The following HEG1 variants were observed in gnomAD, a reference collection of about 807,000 sequenced individuals.
HEG1 encodes heart development protein with EGF like domains 1.
A neutral mutation model predicts 125.6 loss-of-function variants in HEG1; 56 were observed. The ratio of observed to expected loss-of-function variants is 0.45; its 90% confidence interval spans 0.36 to 0.56. The LOEUF (loss-of-function observed/expected upper bound fraction) is 0.56, where lower values mean the gene tolerates loss of function less well. Ranked by LOEUF, HEG1 falls within the 20% of genes least tolerant of loss-of-function variation. The pLI, the probability that HEG1 is intolerant of heterozygous loss-of-function variation, is 0.00. For missense variants in HEG1, 1,523 were observed against 1,670.0 expected (o/e 0.91, Z 1.53); for synonymous variants, 644 against 668.5 (o/e 0.96, Z 0.57).
intron 1 of HEG1, among the ~76,000 whole-genome samples, chr3:125,045,354 C>A (rs778453641): frequency 6.6e-6 from 1 of 152,188 alleles, no homozygotes; most frequent in Non-Finnish European, 1.5e-5. Context: ...AAGAAGTATT[C>A]CCCAGAGACA....
chr3:124,991,419 G>C (rs1936832602), intron 12 of HEG1, among the ~76,000 whole-genome samples: 1 of 151,964 alleles, frequency 6.6e-6, no homozygotes, highest in African/African-American at 2.4e-5. Flanking sequence ...CCAAAGTGCT[G>C]GGATTACAGG....
chr3:124,987,579 A>G (rs528936189), intron 14 of HEG1, among the ~76,000 whole-genome samples: 182 of 148,318 alleles, frequency 1.2e-3, no homozygotes, highest in Non-Finnish European at 2.3e-3. Flanking sequence ...CCAGAGTGCA[A>G]TGGCGCTATC....
chr3:124,992,446 A>ATG (rs1936849733), intron 12 of HEG1, among the ~76,000 whole-genome samples: 1 of 152,278 alleles, frequency 6.6e-6, no homozygotes, highest in Non-Finnish European at 1.5e-5. Context: ...AATGATAAAA[A>ATG]TGTGATACAG....
At chr3:125,033,820 C>G (rs1170204260) in intron 1 of HEG1, among the ~76,000 whole-genome samples, 1 of 152,220 alleles carries the variant, frequency 6.6e-6, no homozygotes, top group Non-Finnish European at 1.5e-5. Context: ...CCTGACAGAT[C>G]AGCAGTGGCA....
chr3:124,998,433 T>C (rs1936956146), intron 11 of HEG1, among the ~76,000 whole-genome samples: 1 of 152,148 alleles, frequency 6.6e-6, no homozygotes, highest in South Asian at 2.1e-4. Flanking sequence ...CCCCGGGCTG[T>C]AGTGTAATTC....
At chr3:125,039,274 C>A (rs544760202) in intron 1 of HEG1, among the ~76,000 whole-genome samples, 1 of 152,244 alleles carries the variant, frequency 6.6e-6, no homozygotes, top group Admixed American at 6.5e-5. Context: ...GATGCTAGCA[C>A]AGCCCAAGAA....
chr3:125,041,604 G>C (rs3903015), intron 1 of HEG1, among the ~76,000 whole-genome samples: 65,829 of 151,974 alleles, frequency 0.43, 14,633 homozygotes, highest in Admixed American at 0.51. Flanking sequence ...GGGTCTATAT[G>C]CAAAAGAATT....
chr3:124,998,038 G>A (rs1936948385), intron 11 of HEG1, among the ~76,000 whole-genome samples: 3 of 152,188 alleles, frequency 2.0e-5, no homozygotes, highest in Admixed American at 2.0e-4. Context: ...CGCAGGCTGT[G>A]CACCAGTGTT....
chr3:124,990,848 G>C, intron 13 of HEG1, 24 bp from the exon 14 acceptor site: 2 of 1,560,002 alleles, frequency 1.3e-6, no homozygotes, highest in South Asian at 2.4e-5. Context: ...AAGAAAAAAG[G>C]GCAAGAATTA....
At chr3:125,010,136 G>C (rs1186910181) in intron 7 of HEG1, among the ~76,000 whole-genome samples, 1 of 152,186 alleles carries the variant, frequency 6.6e-6, no homozygotes. Flanking sequence ...TTAATCAATA[G>C]ATTAGGGTGG....
rs373447621 is a variant in HEG1 at position 125,001,952 on chromosome 3, C to T, written c.3417G>A (p.Thr1139=). 2.5e-6 allele frequency: 4 copies of T among 1,613,854 alleles called. No individual in the cohort carries two copies. Among genetic ancestry groups the T allele is most frequent in the South Asian group, 1.1e-5 (1 of 91,070 alleles). ...QTTFSLASNV[T]LFDLADRMQK... ...GCATCCTATCAGCCAGGTCAAATAG[C>T]GTCACATTGGAGGCCAGGGAAAAGG... The change falls in exon 11 of 17, where the codon ACG becomes ACA. Residue 1139 remains threonine, a synonymous_variant. Transcript: ENST00000311127.
intron 3 of HEG1, among the ~76,000 whole-genome samples, chr3:125,023,580 ACT>A (rs947656282): frequency 6.6e-6 from 1 of 152,182 alleles, no homozygotes; most frequent in Non-Finnish European, 1.5e-5. Flanking sequence ...AGAGTTGGTG[ACT>A]CTTCGTAAAA....
At chr3:125,038,122 C>T (rs183032543) in intron 1 of HEG1, among the ~76,000 whole-genome samples, 12 of 152,230 alleles carry the variant, frequency 7.9e-5, no homozygotes, top group Non-Finnish European at 1.6e-4. Context: ...AGTGTCCTAA[C>T]CCTTCTTCAG....
rs933316956 is a variant in HEG1 at position 125,045,101 on chromosome 3, T to C, written c.316+10474A>G. On this transcript the variant is annotated intron_variant, in intron 1 of 16. Transcript: ENST00000311127. The stretch of plus-strand genomic sequence containing the variant: ...CATTAGCAAGCAAAGGGAGGTCAGG[T>C]CTTAGAGGAGGAAGAGATGATGTGT... Among the ~76,000 whole-genome samples, 34 of 152,264 alleles carry C rather than the reference T, an allele frequency of 2.2e-4. 2 individuals carry two copies. The highest frequency in any genetic ancestry group is 8.2e-4 in the African/African-American group (34 of 41,538).
intron 12 of HEG1, among the ~76,000 whole-genome samples, chr3:124,991,350 C>T (rs1011209938): frequency 6.6e-5 from 10 of 151,866 alleles, no homozygotes; most frequent in Non-Finnish European, 1.3e-4. Context: ...GGGTTTCACC[C>T]TGTTGCTCAG....
chr3:124,999,239 C>A (rs991845891), intron 11 of HEG1, among the ~76,000 whole-genome samples: 3 of 152,186 alleles, frequency 2.0e-5, no homozygotes, highest in Non-Finnish European at 4.4e-5. Context: ...TCAATCAGAA[C>A]CACATTTGTG....
chr3:124,982,381 G>A (rs895168657), intron 14 of HEG1, among the ~76,000 whole-genome samples: 9 of 152,234 alleles, frequency 5.9e-5, no homozygotes, highest in African/African-American at 2.2e-4. Flanking sequence ...CAACTGAAGT[G>A]TTTCCTAGCT....
At chr3:125,054,186 T>C (rs1198368854) in intron 1 of HEG1, among the ~76,000 whole-genome samples, 3 of 152,248 alleles carry the variant, frequency 2.0e-5, no homozygotes, top group Admixed American at 1.3e-4. Context: ...CTTGATTCCT[T>C]CCCGTGGAAG....
intron 8 of HEG1, among the ~76,000 whole-genome samples, chr3:125,008,689 T>C (rs965166157): frequency 6.6e-6 from 1 of 152,102 alleles, no homozygotes; most frequent in Non-Finnish European, 1.5e-5. Flanking sequence ...TCCCAGCTAT[T>C]TGGAGGCTGA....
Sources: gnomAD v4.1 joint callset for allele counts (sites outside exome capture counted in the v4.1 genomes callset) on GRCh38, gnomAD v4.1.1 for gene constraint, MANE v1.5 for transcripts, NCBI Gene and HGNC (gene_info 2026-07-23, HGNC 2026-07-21) for gene names.